Variants in GNAQ observed in about 807,000 individuals in gnomAD.
GNAQ encodes the protein guanine nucleotide-binding protein G(q) subunit alpha.
A neutral mutation model predicts 43.9 loss-of-function variants in GNAQ; 8 were observed. The ratio of observed to expected loss-of-function variants is 0.18; its 90% CI spans 0.11 to 0.33. GNAQ has a LOEUF of 0.33. Ranked by LOEUF, GNAQ falls within the 10% of genes least tolerant of loss-of-function variation. The probability of loss-of-function intolerance (pLI) is 1.00; values close to 1 mark genes in which losing one functional copy is unlikely to be tolerated. For synonymous variants in GNAQ, 155 were observed against 170.7 expected, an observed-to-expected ratio of 0.91 and a Z score of 0.71; for missense variants, 158 against 450.8, an observed-to-expected ratio of 0.35 and a Z score of 5.88.
chr9:77,752,538 C>T (rs1020412906), intron 5 of GNAQ, among the ~76,000 whole-genome samples: 5 of 152,168 alleles, frequency 3.3e-5, no homozygotes, highest in African/African-American at 7.2e-5. Context: ...TAACTGCAAC[C>T]TGCAGAGGTT....
chr9:77,783,873 T>C (rs10781462), intron 5 of GNAQ, among the ~76,000 whole-genome samples: 82,924 of 151,874 alleles, frequency 0.55, 25,135 homozygotes, highest in Middle Eastern at 0.7. Flanking sequence ...TTAAGGACAA[T>C]GTGGGCAACA....
intron 5 of GNAQ, among the ~76,000 whole-genome samples, chr9:77,762,127 G>C (rs1266257965): frequency 1.8e-3 from 239 of 135,140 alleles, no homozygotes; most frequent in Admixed American, 3.0e-3. Flanking sequence ...GGAGGTGGGG[G>C]GTCAGCCCCC....
chr9:77,762,364 G>A (rs1170696474), intron 5 of GNAQ, among the ~76,000 whole-genome samples: 4 of 136,554 alleles, frequency 2.9e-5, no homozygotes, highest in East Asian at 2.3e-4. Context: ...CTGCCCGGCC[G>A]CCCCTACTGG....
At chr9:77,885,750 T>A (rs79815120) in intron 2 of GNAQ, among the ~76,000 whole-genome samples, 1,728 of 150,482 alleles carry the variant, frequency 0.011, 33 homozygotes, top group African/African-American at 0.039. Flanking sequence ...CTTTTTTTTT[T>A]AATGAGATTG....
chr9:77,795,901 A>G (rs759127373), intron 4 of GNAQ, among the ~76,000 whole-genome samples: 55 of 152,252 alleles, frequency 3.6e-4, no homozygotes, highest in Non-Finnish European at 6.8e-4. Flanking sequence ...GCCAGTGTAC[A>G]AAACGTGGAA....
chr9:77,943,649 G>T, intron 1 of GNAQ, among the ~76,000 whole-genome samples: 1 of 148,306 alleles, frequency 6.7e-6, no homozygotes. Context: ...CTTTATCCTG[G>T]AAGTAACTAA....
At chr9:77,850,530 C>T (rs1484508941) in intron 2 of GNAQ, among the ~76,000 whole-genome samples, 1 of 152,216 alleles carries the variant, frequency 6.6e-6, no homozygotes, top group Non-Finnish European at 1.5e-5. Flanking sequence ...TTCTCGGGAA[C>T]GTAAACCTAA....
intron 1 of GNAQ, among the ~76,000 whole-genome samples, chr9:77,976,878 C>T (rs1823309441): frequency 6.6e-6 from 1 of 152,190 alleles, no homozygotes; most frequent in Non-Finnish European, 1.5e-5. Flanking sequence ...CTTCAATGAG[C>T]CATAAGGTTT....
intron 2 of GNAQ, among the ~76,000 whole-genome samples, chr9:77,839,662 C>T (rs749245897): frequency 1.1e-4 from 16 of 152,160 alleles, no homozygotes; most frequent in Non-Finnish European, 2.1e-4. Context: ...GAACGAGGCT[C>T]CAAGAACTGG....
intron 2 of GNAQ, among the ~76,000 whole-genome samples, chr9:77,844,556 T>C (rs1490894000): frequency 6.6e-6 from 1 of 152,128 alleles, no homozygotes; most frequent in African/African-American, 2.4e-5. Flanking sequence ...AATCACAAAC[T>C]GTAGGAAGAA....
chr9:77,973,451 G>C (rs1467080144), intron 1 of GNAQ, among the ~76,000 whole-genome samples: 1 of 152,182 alleles, frequency 6.6e-6, no homozygotes, highest in East Asian at 1.9e-4. Context: ...TCAGCAGAAG[G>C]AGCAGAAATT....
chr9:78,024,962 A>G (rs1304275421), intron 1 of GNAQ, among the ~76,000 whole-genome samples: 3 of 152,248 alleles, frequency 2.0e-5, no homozygotes, highest in African/African-American at 7.2e-5. Context: ...AAAATTAACC[A>G]TAAAGGCTTT....
At chr9:77,744,672 A>ATAAT (rs1334385934) in intron 5 of GNAQ, among the ~76,000 whole-genome samples, 1 of 152,232 alleles carries the variant, frequency 6.6e-6, no homozygotes, top group African/African-American at 2.4e-5. Context: ...ATAATCAAGG[A>ATAAT]TAATTAGGTA....
intron 5 of GNAQ, among the ~76,000 whole-genome samples, chr9:77,730,481 T>C (rs1441078792): frequency 6.6e-6 from 1 of 152,154 alleles, no homozygotes; most frequent in East Asian, 1.9e-4. Context: ...CTTTTTTTCT[T>C]CTGTAAAGTG....
At chr9:77,989,471 T>C (rs918541759) in intron 1 of GNAQ, among the ~76,000 whole-genome samples, 5 of 152,194 alleles carry the variant, frequency 3.3e-5, no homozygotes, top group African/African-American at 7.2e-5. Context: ...AGAACTGATA[T>C]TGGAGGTGGC....
intron 2 of GNAQ, among the ~76,000 whole-genome samples, chr9:77,870,103 T>C (rs1383222270): frequency 2.0e-5 from 3 of 152,152 alleles, no homozygotes; most frequent in Non-Finnish European, 4.4e-5. Flanking sequence ...TTAAATAAGG[T>C]AATAAGCGAG....
intron 5 of GNAQ, among the ~76,000 whole-genome samples, chr9:77,732,285 G>A (rs1327593538): frequency 6.6e-6 from 1 of 152,058 alleles, no homozygotes; most frequent in Non-Finnish European, 1.5e-5. Flanking sequence ...AAGGCAGTCT[G>A]GGGGGTGGTG....
At chr9:77,978,767 T>A (rs1006486559) in intron 1 of GNAQ, among the ~76,000 whole-genome samples, 33 of 152,120 alleles carry the variant, frequency 2.2e-4, no homozygotes, top group Middle Eastern at 3.4e-3. Context: ...TTTTCACTTT[T>A]AAAAAAAATG....
At chr9:77,721,548 C>T (rs755652968) in intron 6 of GNAQ, 35 bp from the exon 7 acceptor site, 2 of 1,260,884 alleles carry the variant, frequency 1.6e-6, no homozygotes, top group South Asian at 2.5e-5. Flanking sequence ...CACTTTGTTA[C>T]CTAATCTGCT....
Sources: gnomAD v4.1 joint callset for allele counts (sites outside exome capture counted in the v4.1 genomes callset) on GRCh38, gnomAD v4.1.1 for gene constraint, MANE v1.5 for transcripts, NCBI Gene and HGNC (gene_info 2026-07-23, HGNC 2026-07-21) for gene names.